Variants in IQSEC1 observed in about 807,000 individuals in gnomAD.
IQSEC1 encodes IQ motif and Sec7 domain ArfGEF 1.
Under a neutral mutation model 91.0 loss-of-function variants are expected in IQSEC1, and 31 were observed. That is an observed-to-expected ratio of 0.34 (90% confidence interval 0.26 to 0.46). The LOEUF (loss-of-function observed/expected upper bound fraction) is 0.46, where lower values mean the gene tolerates loss of function less well. Among genes scored for constraint, IQSEC1 ranks in the 20% least tolerant of loss-of-function variants. The probability of loss-of-function intolerance (pLI) is 1.00; values close to 1 mark genes in which losing one functional copy is unlikely to be tolerated. For missense variants in IQSEC1, 1,388 were observed against 1,575.6 expected (o/e 0.88, Z 2.02); for synonymous variants, 699 against 662.6 (o/e 1.05, Z -0.84).
Position 12,898,731 on chromosome 3 carries a change from T to TCCC in IQSEC1, c.*2251_*2252insGGG, listed in dbSNP as rs1326593875. The TCCC allele has an allele frequency of 6.6e-6, 1 of 152,404 alleles. No individual in the cohort carries two copies. Among genetic ancestry groups the TCCC allele is most frequent in the Non-Finnish European group, 1.5e-5 (1 of 68,168 alleles). The allele number at this position is 152,404 out of a possible 1,614,324, so 9.4% of individuals were successfully genotyped here. On this transcript the variant is annotated 3_prime_UTR_variant, in exon 14 of 14. Coordinates refer to ENST00000613206, the MANE Select transcript of IQSEC1 (RefSeq NM_001134382.3). Reference sequence around the variant, plus strand: ...ATACTCAATATGTAATCGCTTTACTTCAACGATGTGTTTACAGTCACGCCA... The same window carrying TCCC: ...ATACTCAATATGTAATCGCTTTACTTCCCCAACGATGTGTTTACAGTCACGCCA...
intron 1 of IQSEC1, among the ~76,000 whole-genome samples, chr3:13,235,285 C>A (rs558218959): frequency 1.3e-5 from 2 of 152,284 alleles, no homozygotes; most frequent in African/African-American, 4.8e-5. Context: ...TCCTGCCACA[C>A]CCTCCCCGGC....
rs1181849989 is a variant in IQSEC1 at position 13,103,403 on chromosome 3, C to A, written c.303-55881G>T. Among the ~76,000 whole-genome samples the A allele has an allele frequency of 6.6e-6, 1 of 152,128 alleles. No homozygotes were observed. The highest frequency in any genetic ancestry group is 1.5e-5 in the Non-Finnish European group (1 of 68,030). ...CTCCACCTCTGTGGACCACAGACCA[C>A]TAGCTCCACCAGCCTCGGGGGAGTG... On this transcript the variant is annotated intron_variant, in intron 2 of 15. Coordinates refer to the IQSEC1 transcript ENST00000648114. This position sits in a 1 kb window ranked among gnomAD's most constrained non-coding sequence, Gnocchi z 4.1.
intron 1 of IQSEC1, among the ~76,000 whole-genome samples, chr3:13,057,144 A>C (rs2125078340): frequency 6.6e-6 from 1 of 152,242 alleles, no homozygotes; most frequent in Non-Finnish European, 1.5e-5. Context: ...TCCTGACTGC[A>C]ATGTGCTCCT....
At chr3:12,911,978 A>C (rs1695604506) in intron 9 of IQSEC1, among the ~76,000 whole-genome samples, 1 of 152,202 alleles carries the variant, frequency 6.6e-6, no homozygotes, top group Non-Finnish European at 1.5e-5. Flanking sequence ...CACAGCACGG[A>C]GCCCCCTCAA....
In IQSEC1 at chr3:12,911,251, C is replaced by T. The variant is rs1013919605; in HGVS notation, c.2416+378G>A. On this transcript the variant is annotated intron_variant, in intron 10 of 13. Transcript: ENST00000613206. ...TGAGGGGCTCAGTTCTTCACTTCCGCGGACACTCATGGGTTGCTGTCACCT... is the reference window on the plus strand; with the variant it reads ...TGAGGGGCTCAGTTCTTCACTTCCGTGGACACTCATGGGTTGCTGTCACCT... 3.3e-5 allele frequency among the ~76,000 whole-genome samples: 5 copies of T among 152,222 alleles called. No homozygotes were observed. The South Asian group carries it at 8.3e-4, about 25-fold the overall frequency.
At position 12,908,264 on chromosome 3, in the gene IQSEC1, G is replaced by A. The variant is rs1441689891; in HGVS notation, c.2755+85C>T. 12 of 1,426,308 alleles carry A rather than the reference G, an allele frequency of 8.4e-6. No individual in the cohort carries two copies. Among genetic ancestry groups the A allele is most frequent in the Admixed American group, 1.9e-5 (1 of 53,380 alleles). 88.4% of individuals were successfully genotyped at this position (1,426,308 alleles called of 1,614,324 possible). On this transcript the variant is annotated intron_variant, in intron 12 of 13. Coordinates refer to ENST00000613206, the MANE Select transcript of IQSEC1 (RefSeq NM_001134382.3). This position sits in a 1 kb window ranked among gnomAD's most constrained non-coding sequence, Gnocchi z 4.9. Reference sequence around the variant, plus strand: ...CTGGCTTCGCCGCAGGCCCTGCCCCGCGTGATGCATGCCCTGAATGCAGAC... The same window carrying A: ...CTGGCTTCGCCGCAGGCCCTGCCCCACGTGATGCATGCCCTGAATGCAGAC...
rs1473711993 is a variant in IQSEC1, at chr3:12,920,617, G to C, written c.1854-21C>G. The C allele has an allele frequency of 1.9e-6, 3 of 1,612,734 alleles. No homozygotes were observed. The African/African-American group carries it at 4.0e-5, about 22-fold the overall frequency. Reference sequence around the variant, plus strand: ...GCTGGCTGCGGGCCGGGAGGGAGGGGGTCAGGGCCATGGCGCAGCAAGTGA... The same window carrying C: ...GCTGGCTGCGGGCCGGGAGGGAGGGCGTCAGGGCCATGGCGCAGCAAGTGA... On this transcript the variant is annotated intron_variant, in intron 5 of 13. Coordinates refer to ENST00000613206, the MANE Select transcript of IQSEC1 (RefSeq NM_001134382.3).
intron 2 of IQSEC1, among the ~76,000 whole-genome samples, chr3:13,082,408 C>T (rs1705660135): frequency 6.6e-6 from 1 of 152,226 alleles, no homozygotes; most frequent in Non-Finnish European, 1.5e-5. Flanking sequence ...AAGGCGCAGG[C>T]CTGGACCGCT....
At chr3:13,038,474 T>C (rs1465041853) in intron 1 of IQSEC1, among the ~76,000 whole-genome samples, 1 of 151,488 alleles carries the variant, frequency 6.6e-6, no homozygotes, top group Admixed American at 6.6e-5. Flanking sequence ...ACATAGAGAC[T>C]AGGACAGTTA....
At chr3:13,123,888 T>C (rs1308113687) in intron 2 of IQSEC1, among the ~76,000 whole-genome samples, 9 of 152,274 alleles carry the variant, frequency 5.9e-5, no homozygotes, top group Admixed American at 5.2e-4. Flanking sequence ...GGATCAGGGG[T>C]CTGCAAACCA....
intron 3 of IQSEC1, among the ~76,000 whole-genome samples, chr3:12,927,354 C>G (rs559764306): frequency 6.7e-6 from 1 of 150,070 alleles, no homozygotes; most frequent in Non-Finnish European, 1.5e-5. Flanking sequence ...GTGGGGGAGC[C>G]GGGCTAGGCT....
intron 2 of IQSEC1, among the ~76,000 whole-genome samples, chr3:13,146,037 G>C (rs957778128): frequency 6.6e-6 from 1 of 152,112 alleles, no homozygotes; most frequent in Non-Finnish European, 1.5e-5. Flanking sequence ...ACTCAGGCTG[G>C]AGTGCAGTGG....
At chr3:13,036,636 G>T (rs1347951413) in intron 1 of IQSEC1, among the ~76,000 whole-genome samples, 1 of 152,100 alleles carries the variant, frequency 6.6e-6, no homozygotes, top group East Asian at 1.9e-4. Context: ...TCAGCGGTGT[G>T]GGGGGTGCCC....
At chr3:13,194,761 CAG>C (rs1553573588) in intron 1 of IQSEC1, among the ~76,000 whole-genome samples, 2 of 152,146 alleles carry the variant, frequency 1.3e-5, no homozygotes, top group South Asian at 4.1e-4. Context: ...GCAGAACAAA[CAG>C]GGAATTACGG....
At chr3:13,141,616 A>G (rs1423007566) in intron 2 of IQSEC1, among the ~76,000 whole-genome samples, 1 of 152,228 alleles carries the variant, frequency 6.6e-6, no homozygotes, top group Non-Finnish European at 1.5e-5. Context: ...CATGTCCCCA[A>G]ATGCTCAAGT....
chr3:13,179,765 G>C (rs1030036567), intron 1 of IQSEC1, among the ~76,000 whole-genome samples: 1 of 152,260 alleles, frequency 6.6e-6, no homozygotes, highest in East Asian at 1.9e-4. Context: ...GGAGAGGTGC[G>C]GGCGGGAACC....
rs1705487886 is a variant in IQSEC1 at position 13,073,003 on chromosome 3, T to C, written c.12A>G (p.Arg4=). The part of the protein sequence containing the change: MAC[R]RRYFVEGEAP... ...CCACATATACTCACAAATAGCGTCT[T>C]CTGCAAGCCATCCTGTGTGAATCCG... Residue 4 remains arginine (R), a synonymous_variant, in exon 1 of 14, where the codon AGA becomes AGG. Coordinates refer to ENST00000613206, the MANE Select transcript of IQSEC1 (RefSeq NM_001134382.3). 6.4e-7 allele frequency: 1 copy of C among 1,551,736 alleles called. No individual in the cohort carries two copies. Among genetic ancestry groups the C allele is most frequent in the Admixed American group, 2.0e-5 (1 of 51,010 alleles).
intron 1 of IQSEC1, among the ~76,000 whole-genome samples, chr3:12,987,809 T>A (rs1217735812): frequency 6.6e-6 from 1 of 152,002 alleles, no homozygotes; most frequent in Non-Finnish European, 1.5e-5. Flanking sequence ...AATGATGAAA[T>A]CCAAACAGCC....
intron 1 of IQSEC1, among the ~76,000 whole-genome samples, chr3:12,987,216 T>G (rs959823832): frequency 6.6e-6 from 1 of 152,246 alleles, no homozygotes; most frequent in Non-Finnish European, 1.5e-5. Flanking sequence ...CTGGTCCTGC[T>G]GGGGGCGGGG....
Sources: gnomAD v4.1 joint callset for allele counts (sites outside exome capture counted in the v4.1 genomes callset) on GRCh38, gnomAD v4.1.1 for gene constraint, Gnocchi (gnomAD v3.1) non-coding constraint, MANE v1.5 for transcripts, NCBI Gene and HGNC (gene_info 2026-07-23, HGNC 2026-07-21) for gene names.